The following NNT variants were observed in gnomAD, a reference collection of about 807,000 sequenced individuals.
NNT encodes the protein NAD(P) transhydrogenase, mitochondrial.
A neutral mutation model predicts 104.8 loss-of-function variants in NNT; 50 were observed. The observed-to-expected ratio is 0.48, with a 90% confidence interval of 0.38 to 0.60. NNT has a LOEUF of 0.60. NNT is among the 20% of genes least tolerant of loss of function. The pLI, the probability that NNT is intolerant of heterozygous loss-of-function variation, is 0.00. For synonymous variants in NNT, 461 were observed against 490.4 expected (o/e 0.94, Z 0.79); for missense variants, 1,131 against 1,330.7 (o/e 0.85, Z 2.33).
At chr5:43,655,255 G>A (rs947887866) in intron 14 of NNT, among the ~76,000 whole-genome samples, 2 of 152,304 alleles carry the variant, frequency 1.3e-5, no homozygotes, top group South Asian at 2.1e-4. Flanking sequence ...AGTTTGTGAC[G>A]GGAAGAGGCA....
intron 18 of NNT, 31 bp downstream of exon 18, chr5:43,675,701 AT>A (rs1241708007): frequency 6.7e-7 from 1 of 1,488,428 alleles, no homozygotes; most frequent in Non-Finnish European, 9.0e-7. Context: ...CAAATAACCT[AT>A]AATAGCTGTT....
chr5:43,623,762 G>A (rs1003520907), intron 5 of NNT, among the ~76,000 whole-genome samples: 1 of 152,094 alleles, frequency 6.6e-6, no homozygotes. Context: ...AGTTTTACAC[G>A]GATATTCTGA....
At chr5:43,682,623 G>A (rs1008019084) in intron 19 of NNT, among the ~76,000 whole-genome samples, 3 of 152,144 alleles carry the variant, frequency 2.0e-5, no homozygotes, top group African/African-American at 7.2e-5. Context: ...AATTGGTAAA[G>A]CAATAAAGTC....
intron 17 of NNT, 39 bp from the exon 18 acceptor site, chr5:43,675,470 ATG>A (rs1175969988): frequency 1.3e-6 from 2 of 1,560,204 alleles, no homozygotes; most frequent in South Asian, 2.4e-5. Flanking sequence ...TCACAAAGTT[ATG>A]TGTGTTAAAC....
rs747119794 is a variant in NNT at position 43,702,682 on chromosome 5, T to C, written c.3057T>C (p.Asp1019=). The C allele has an allele frequency of 7.4e-6, 12 of 1,613,050 alleles. 1 individual carries two copies. The highest frequency in any genetic ancestry group is 1.1e-5 in the South Asian group (1 of 90,950). The part of the protein sequence containing the change: ...NDTVNSAAQE[D]PNSIIAGMPV... ...CTGTTAATTCAGCAGCTCAAGAAGA[T>C]CCCAACTCTATTATTGCAGGCATGC... The change falls in exon 21 of 22, where the codon GAT becomes GAC. Residue 1019 remains aspartate (D), a synonymous_variant. Coordinates refer to ENST00000344920, the MANE Select transcript of NNT (RefSeq NM_182977.3).
Position 43,675,596 on chromosome 5 carries a change from G to T in NNT, c.2720G>T (p.Gly907Val). 6.2e-7 allele frequency: 1 copy of T among 1,613,056 alleles called. No individual in the cohort carries two copies. Among genetic ancestry groups the T allele is most frequent in the Non-Finnish European group, 8.5e-7 (1 of 1,179,636 alleles). Residue 907 changes from glycine (G) to valine (V), a missense_variant, in exon 18 of 22, where the codon GGC becomes GTC. Physicochemically the swap from Gly to Val is moderately radical, Grantham distance 109 (BLOSUM62 -3). Coordinates refer to ENST00000344920, the MANE Select transcript of NNT (RefSeq NM_182977.3). ...GGTGGAAAACCCATGGAAATTTCTG[G>T]CACACATACGGAAATCAACCTTGAC... The part of the protein sequence containing the change: ...TAGGKPMEIS[G>V]THTEINLDNA...
At chr5:43,645,079 C>T (rs1739309087) in intron 9 of NNT, among the ~76,000 whole-genome samples, 1 of 152,112 alleles carries the variant, frequency 6.6e-6, no homozygotes, top group Non-Finnish European at 1.5e-5. Flanking sequence ...ACATTCCCCC[C>T]ACTTATCTGC....
At chr5:43,672,260 G>A (rs977279713) in intron 17 of NNT, among the ~76,000 whole-genome samples, 9 of 152,022 alleles carry the variant, frequency 5.9e-5, no homozygotes, top group South Asian at 2.1e-4. Flanking sequence ...AAGTTGGATC[G>A]TCTGAAGCCT....
intron 19 of NNT, 88 bp downstream of exon 19, chr5:43,677,894 G>C: frequency 9.1e-7 from 1 of 1,093,472 alleles, no homozygotes; most frequent in South Asian, 1.3e-5. Flanking sequence ...GAACAATGTA[G>C]GGGTTAGGGC....
intron 17 of NNT, among the ~76,000 whole-genome samples, chr5:43,674,159 ATGT>A (rs200918663): frequency 0.037 from 5,679 of 152,308 alleles, 168 homozygotes; most frequent in Non-Finnish European, 0.05. Context: ...TAAAATGTCA[ATGT>A]TGTGTCTGAT....
chr5:43,670,280 C>T (rs542592053), intron 17 of NNT, among the ~76,000 whole-genome samples: 2 of 152,184 alleles, frequency 1.3e-5, no homozygotes, highest in South Asian at 4.1e-4. Flanking sequence ...TGACTATCTC[C>T]TCCAGTTCTG....
intron 17 of NNT, among the ~76,000 whole-genome samples, chr5:43,671,206 C>T (rs958454310): frequency 6.6e-6 from 1 of 152,152 alleles, no homozygotes; most frequent in Non-Finnish European, 1.5e-5. Context: ...CTTGTGAATA[C>T]AGCACACTGA....
At chr5:43,695,450 A>C (rs1742508950) in intron 19 of NNT, among the ~76,000 whole-genome samples, 2 of 152,298 alleles carry the variant, frequency 1.3e-5, no homozygotes, top group Middle Eastern at 3.4e-3. Context: ...TTATCAATGA[A>C]AGATGTGAGG....
chr5:43,644,277 T>G lies in NNT; in HGVS notation c.1050T>G (p.Ala350=). Residue 350 remains alanine (A), a synonymous_variant, in exon 8 of 22, where the codon GCT becomes GCG. Coordinates refer to ENST00000344920, the MANE Select transcript of NNT (RefSeq NM_182977.3). ...GSVVVDLAAE[A]GGNFETTKPG... ...TTGTTGTGGATTTAGCTGCTGAGGC[T>G]GGTGGAAACTTTGAAACCACTAAGC... The G allele has an allele frequency of 6.2e-7, 1 of 1,614,004 alleles. No homozygotes were observed. The highest frequency in any genetic ancestry group is 8.5e-7 in the Non-Finnish European group (1 of 1,179,972).
intron 10 of NNT, among the ~76,000 whole-genome samples, chr5:43,647,077 C>A (rs1393847557): frequency 1.3e-5 from 2 of 152,118 alleles, no homozygotes. Flanking sequence ...GAATTAAGGA[C>A]CAGCACCAGG....
intron 19 of NNT, among the ~76,000 whole-genome samples, chr5:43,690,322 A>G (rs1184425734): frequency 6.6e-6 from 1 of 152,100 alleles, no homozygotes; most frequent in Non-Finnish European, 1.5e-5. Flanking sequence ...GAAGGCACTG[A>G]ATTTGTGGTA....
At chr5:43,685,147 T>G (rs1192951284) in intron 19 of NNT, among the ~76,000 whole-genome samples, 1 of 152,210 alleles carries the variant, frequency 6.6e-6, no homozygotes, top group Non-Finnish European at 1.5e-5. Flanking sequence ...CATTAAGGTT[T>G]TATAGATTTA....
chr5:43,641,738 G>A (rs1751251828), intron 7 of NNT, among the ~76,000 whole-genome samples: 1 of 152,068 alleles, frequency 6.6e-6, no homozygotes, highest in African/African-American at 2.4e-5. Context: ...ATACCCTTCA[G>A]TCTGTACACC....
At chr5:43,691,323 T>C (rs1580122925) in intron 19 of NNT, among the ~76,000 whole-genome samples, 1 of 152,154 alleles carries the variant, frequency 6.6e-6, no homozygotes, top group Non-Finnish European at 1.5e-5. Context: ...AGGCTGGTCT[T>C]GAACTCCTGA....
Sources: gnomAD v4.1 joint callset for allele counts (sites outside exome capture counted in the v4.1 genomes callset) on GRCh38, gnomAD v4.1.1 for gene constraint, MANE v1.5 for transcripts, NCBI Gene and HGNC (gene_info 2026-07-23, HGNC 2026-07-21) for gene names.